Variants in SLCO1A2 observed in about 807,000 individuals in gnomAD.
SLCO1A2 encodes solute carrier organic anion transporter family member 1A2, also known as OATP-1.
Under a neutral mutation model 69.0 loss-of-function variants are expected in SLCO1A2, and 67 were observed. The ratio of observed to expected loss-of-function variants is 0.97; its 90% confidence interval spans 0.80 to 1.19. The LOEUF is 1.19. SLCO1A2 is among the 50% of genes most tolerant of loss of function. The pLI, the probability that SLCO1A2 is intolerant of heterozygous loss-of-function variation, is 0.00. For synonymous variants in SLCO1A2, 260 were observed against 265.9 expected, an observed-to-expected ratio of 0.98 and a Z score of 0.22; for missense variants, 787 against 793.7, an observed-to-expected ratio of 0.99 and a Z score of 0.10.
chr12:21,287,951 T>C (rs1411937189), intron 12 of SLCO1A2, among the ~76,000 whole-genome samples: 1 of 132,722 alleles, frequency 7.5e-6, no homozygotes, highest in African/African-American at 3.0e-5. Flanking sequence ...GCATGGCACA[T>C]GTATACATAT....
At position 21,265,328 on chromosome 12, in the gene SLCO1A2, C is replaced by T. The variant is rs1278732431; in HGVS notation, c.*4220G>A. The T allele has an allele frequency of 2.0e-5, 3 of 152,330 alleles. No homozygotes were observed. Among genetic ancestry groups the T allele is most frequent in the African/African-American group, 7.2e-5 (3 of 41,420 alleles). The allele number at this position is 152,330 out of a possible 1,614,324, so 9.4% of individuals were successfully genotyped here. On this transcript the variant is annotated 3_prime_UTR_variant, in exon 15 of 15. Transcript: ENST00000683939. ...AGCATGCATTCTGGGCAGGGTGGGA[C>T]ACAGTGAAGGGATGGAAGGTGGTCT...
chr12:21,354,557 C>T (rs1938211698), intron 2 of SLCO1A2, among the ~76,000 whole-genome samples: 1 of 152,144 alleles, frequency 6.6e-6, no homozygotes, highest in African/African-American at 2.4e-5. Flanking sequence ...AGATCCCTGA[C>T]TCTCAATATG....
In SLCO1A2 at chr12:21,386,056, C is replaced by G. The variant is rs188676303; in HGVS notation, c.-190+8850G>C. ...CCAAGAGATATTGTCTAAGTGTTTT[C>G]AACTTTCATATTGAAGTAAAATTTA... is the stretch of plus-strand genomic sequence containing the variant. On this transcript the variant is annotated intron_variant, in intron 1 of 15. Coordinates refer to the SLCO1A2 transcript ENST00000307378. Among the ~76,000 whole-genome samples, 3 of 152,224 alleles carry G rather than the reference C, an allele frequency of 2.0e-5. No individual in the cohort carries two copies. The East Asian group carries it at 5.8e-4, about 29-fold the overall frequency.
intron 1 of SLCO1A2, among the ~76,000 whole-genome samples, chr12:21,404,209 G>T (rs1941785263): frequency 6.6e-6 from 1 of 152,072 alleles, no homozygotes; most frequent in South Asian, 2.1e-4. Context: ...TAATGGAGTG[G>T]ATAAGATAGT....
At chr12:21,355,749 C>T (rs1938316624) in intron 2 of SLCO1A2, among the ~76,000 whole-genome samples, 1 of 152,028 alleles carries the variant, frequency 6.6e-6, no homozygotes, top group Non-Finnish European at 1.5e-5. Context: ...ACTGAGAGTT[C>T]TCAGAAACAA....
At chr12:21,361,351 C>G (rs1938861113) in intron 2 of SLCO1A2, among the ~76,000 whole-genome samples, 1 of 152,202 alleles carries the variant, frequency 6.6e-6, no homozygotes, top group Non-Finnish European at 1.5e-5. Flanking sequence ...AACTAACAAA[C>G]AGAAAGGACA....
At chr12:21,362,102 C>A (rs1008058716) in intron 2 of SLCO1A2, among the ~76,000 whole-genome samples, 2 of 152,006 alleles carry the variant, frequency 1.3e-5, no homozygotes, top group Non-Finnish European at 1.5e-5. Context: ...GTCAGATTCA[C>A]CAAAGTTGAA....
intron 13 of SLCO1A2, chr12:21,274,974 A>G (rs1943531444): frequency 3.9e-6 from 4 of 1,028,518 alleles, no homozygotes; most frequent in Non-Finnish European, 4.7e-6. Context: ...TTCAAGTAAA[A>G]GAGATTCTCT....
intron 5 of SLCO1A2, among the ~76,000 whole-genome samples, chr12:21,305,233 A>G (rs1363885465): frequency 6.6e-6 from 1 of 152,218 alleles, no homozygotes; most frequent in Non-Finnish European, 1.5e-5. Flanking sequence ...AGACTAGACC[A>G]AAGGGAATAG....
chr12:21,411,407 T>A (rs550569100), intron 1 of SLCO1A2, among the ~76,000 whole-genome samples: 2 of 152,338 alleles, frequency 1.3e-5, no homozygotes, highest in East Asian at 1.9e-4. Flanking sequence ...TGTGATCATA[T>A]ACCAAAATCC....
chr12:21,410,535 A>T (rs1322999680), intron 1 of SLCO1A2, among the ~76,000 whole-genome samples: 2 of 152,154 alleles, frequency 1.3e-5, no homozygotes, highest in Admixed American at 1.3e-4. Flanking sequence ...TTTCCCTTTA[A>T]TGAGCTTTTG....
At chr12:21,274,806 T>A in intron 13 of SLCO1A2, 1 of 702,158 alleles carries the variant, frequency 1.4e-6, no homozygotes, top group Non-Finnish European at 2.1e-6. Context: ...TAATTATTAG[T>A]AGAGTAAAAC....
Position 21,265,563 on chromosome 12 carries a change from G to C in SLCO1A2, c.*3985C>G, listed in dbSNP as rs1941985784. The C allele has an allele frequency of 6.6e-6, 1 of 152,254 alleles. No homozygotes were observed. The highest frequency in any genetic ancestry group is 2.1e-4 in the South Asian group (1 of 4,826). 9.4% of individuals were successfully genotyped at this position (152,254 alleles called of 1,614,324 possible). On this transcript the variant is annotated 3_prime_UTR_variant, in exon 15 of 15. Transcript: ENST00000683939. ...TCCAACCTAGAAACTTTTAAACACT[G>C]GTGTAGTTTCTCCATGTTGGGAAGG...
At chr12:21,298,192 C>A (rs1255618838) in intron 8 of SLCO1A2, among the ~76,000 whole-genome samples, 1 of 152,066 alleles carries the variant, frequency 6.6e-6, no homozygotes, top group Admixed American at 6.6e-5. Context: ...CATCCAGGTC[C>A]CATCCTCAGA....
chr12:21,370,510 T>C (rs1219777205), intron 2 of SLCO1A2, among the ~76,000 whole-genome samples: 1 of 124,328 alleles, frequency 8.0e-6, no homozygotes, highest in Non-Finnish European at 1.6e-5. Context: ...CCCTGGTGTG[T>C]GATGTTCCCC....
chr12:21,354,926 A>T (rs1158604228), intron 2 of SLCO1A2: 1 of 152,056 alleles, frequency 6.6e-6, no homozygotes, highest in Non-Finnish European at 1.5e-5. Flanking sequence ...GTTGTTGCAC[A>T]TGCACTCCTT....
chr12:21,377,810 T>C (rs1940312218), intron 1 of SLCO1A2, among the ~76,000 whole-genome samples: 1 of 152,234 alleles, frequency 6.6e-6, no homozygotes. Context: ...TAATGCTGCT[T>C]TATTCTTATT....
At chr12:21,307,868 A>C (rs1949625973) in intron 4 of SLCO1A2, among the ~76,000 whole-genome samples, 2 of 152,264 alleles carry the variant, frequency 1.3e-5, no homozygotes, top group South Asian at 4.1e-4. Context: ...ATATAATAAA[A>C]AGGCTCAAAA....
intron 11 of SLCO1A2, among the ~76,000 whole-genome samples, chr12:21,292,823 A>G (rs116040707): frequency 0.071 from 10,784 of 151,870 alleles, 671 homozygotes; most frequent in East Asian, 0.35. Context: ...CGAACTCCTG[A>G]CCTCAGATGA....
Sources: gnomAD v4.1 joint callset for allele counts (sites outside exome capture counted in the v4.1 genomes callset) on GRCh38, gnomAD v4.1.1 for gene constraint, MANE v1.5 for transcripts, NCBI Gene and HGNC (gene_info 2026-07-23, HGNC 2026-07-21) for gene names.